Variants in ATP8A2 observed in about 807,000 individuals in gnomAD.
ATP8A2 encodes the protein phospholipid-transporting ATPase IB.
In ATP8A2, 100 loss-of-function variants were observed where a neutral mutation model predicts 165.6. The observed-to-expected ratio is 0.60, with a 90% confidence interval of 0.51 to 0.71. The LOEUF (loss-of-function observed/expected upper bound fraction) is 0.71, where lower values mean the gene tolerates loss of function less well. Ranked by LOEUF, ATP8A2 falls within the 30% of genes least tolerant of loss-of-function variation. ATP8A2 has a pLI of 0.00. For missense variants in ATP8A2, 1,227 were observed against 1,479.5 expected (o/e 0.83, Z 2.80); for synonymous variants, 543 against 548.8 (o/e 0.99, Z 0.15).
intron 27 of ATP8A2, among the ~76,000 whole-genome samples, chr13:25,803,235 T>A (rs560521713): frequency 6.6e-6 from 1 of 152,294 alleles, no homozygotes; most frequent in South Asian, 2.1e-4. Context: ...AAATGCAATA[T>A]GTATGTGGTC....
At chr13:25,538,810 G>A (rs887997798) in intron 7 of ATP8A2, among the ~76,000 whole-genome samples, 1 of 152,116 alleles carries the variant, frequency 6.6e-6, no homozygotes, top group African/African-American at 2.4e-5. Flanking sequence ...ATTGCAGACA[G>A]CGTTTCTTGT....
At chr13:25,589,587 T>C (rs749177372) in intron 23 of ATP8A2, 48 bp from the exon 24 acceptor site, 1 of 1,432,554 alleles carries the variant, frequency 7.0e-7, no homozygotes, top group Non-Finnish European at 9.8e-7. Context: ...TTTAAGGAGC[T>C]CACAGAAGGA....
intron 35 of ATP8A2, among the ~76,000 whole-genome samples, chr13:26,011,604 T>C (rs1170816886): frequency 1.3e-5 from 2 of 152,326 alleles, no homozygotes; most frequent in East Asian, 3.9e-4. Flanking sequence ...CACTTTGACC[T>C]GCCTGGGCAG....
chr13:25,866,248 T>C (rs533066341), intron 33 of ATP8A2, among the ~76,000 whole-genome samples: 1 of 152,286 alleles, frequency 6.6e-6, no homozygotes, highest in Admixed American at 6.5e-5. Flanking sequence ...GATAGTTACG[T>C]AACCATTGGC....
At chr13:25,905,785 G>A (rs1953918900) in intron 33 of ATP8A2, among the ~76,000 whole-genome samples, 1 of 152,112 alleles carries the variant, frequency 6.6e-6, no homozygotes, top group South Asian at 2.1e-4. Context: ...CACTCTCCTG[G>A]GGCCCCTTCC....
chr13:25,539,552 A>G (rs1270248310), intron 7 of ATP8A2, among the ~76,000 whole-genome samples: 1 of 152,068 alleles, frequency 6.6e-6, no homozygotes, highest in Non-Finnish European at 1.5e-5. Context: ...AATCTTCCCA[A>G]TAACCCTGGA....
At position 25,530,146 on chromosome 13, in the gene ATP8A2, A is replaced by G. The variant is rs1311501450; in HGVS notation, c.321+48A>G. On this transcript the variant is annotated intron_variant, in intron 3 of 36. Coordinates refer to ENST00000381655, the MANE Select transcript of ATP8A2 (RefSeq NM_016529.6). ...TTGGAATTCACTTAATTACATGTAA[A>G]ATGAGATTTTGCTAAAGGTTCCTTA... The G allele has an allele frequency of 2.4e-6, 3 of 1,237,440 alleles. No homozygotes were observed. In the African/African-American group the frequency reaches 4.5e-5, roughly 19 times the overall value. 76.7% of individuals were successfully genotyped at this position (1,237,440 alleles called of 1,614,324 possible).
chr13:25,528,086 T>C (rs34598113), intron 2 of ATP8A2, among the ~76,000 whole-genome samples: 36,435 of 151,962 alleles, frequency 0.24, 4,793 homozygotes, highest in African/African-American at 0.35. Context: ...TATTGTGAGC[T>C]ATCACATACA....
chr13:25,497,693 C>T (rs1344523750), intron 2 of ATP8A2, among the ~76,000 whole-genome samples: 4 of 152,170 alleles, frequency 2.6e-5, no homozygotes, highest in Admixed American at 2.0e-4. Context: ...TGGCTCATGC[C>T]TGTAATCCCA....
chr13:25,768,006 G>A (rs1175149498), intron 25 of ATP8A2, among the ~76,000 whole-genome samples: 8 of 146,402 alleles, frequency 5.5e-5, no homozygotes, highest in Admixed American at 1.4e-4. Flanking sequence ...ATATGTGGGC[G>A]TGGCCAGTAG....
At chr13:25,774,667 G>A (rs1365748434) in intron 26 of ATP8A2, among the ~76,000 whole-genome samples, 182 bp from the exon 27 acceptor site, 1 of 152,182 alleles carries the variant, frequency 6.6e-6, no homozygotes, top group Non-Finnish European at 1.5e-5. Flanking sequence ...GTTTCAAGAA[G>A]GATTTTACTT....
chr13:25,579,714 T>A (rs2039716667), intron 21 of ATP8A2, 94 bp from the exon 22 acceptor site: 1 of 1,458,030 alleles, frequency 6.9e-7, no homozygotes, highest in Non-Finnish European at 9.5e-7. Flanking sequence ...TCTCTTCAAT[T>A]TTTTTGGGCA....
rs190737441 is a variant in ATP8A2, at chr13:25,955,894, G to A, written c.3184-5681G>A. Among the ~76,000 whole-genome samples the A allele has an allele frequency of 8.1e-4, 124 of 152,228 alleles. 1 individual carries two copies. The highest frequency in any genetic ancestry group is 1.8e-3 in the Admixed American group (27 of 15,284). The stretch of plus-strand genomic sequence containing the variant: ...ATCCTCAGTAAAATACTGGCAAACC[G>A]AATCCAGCAGCGCATCAAAAAACTT... On this transcript the variant is annotated intron_variant, in intron 33 of 36. Transcript: ENST00000381655.
intron 24 of ATP8A2, among the ~76,000 whole-genome samples, chr13:25,693,578 C>T (rs2042773307): frequency 6.6e-6 from 1 of 152,126 alleles, no homozygotes; most frequent in African/African-American, 2.4e-5. Flanking sequence ...GATTGAGAAC[C>T]AGCCATTTTC....
intron 30 of ATP8A2, among the ~76,000 whole-genome samples, chr13:25,854,381 G>A (rs1952094099): frequency 6.6e-6 from 1 of 152,258 alleles, no homozygotes; most frequent in African/African-American, 2.4e-5. Flanking sequence ...TGTCACCCAG[G>A]CTGGAGTGCA....
At chr13:25,483,669 G>C (rs952437729) in intron 2 of ATP8A2, among the ~76,000 whole-genome samples, 2 of 152,206 alleles carry the variant, frequency 1.3e-5, no homozygotes, top group African/African-American at 4.8e-5. Context: ...GGGAGGCCAA[G>C]GCAGGAAGAT....
At chr13:25,846,337 T>A (rs1269560122) in intron 30 of ATP8A2, among the ~76,000 whole-genome samples, 5 of 152,126 alleles carry the variant, frequency 3.3e-5, no homozygotes, top group Non-Finnish European at 5.9e-5. Context: ...AAGTAGAAGG[T>A]CAAGTTCAGA....
intron 24 of ATP8A2, among the ~76,000 whole-genome samples, chr13:25,669,300 T>C (rs979441366): frequency 6.6e-6 from 1 of 152,256 alleles, no homozygotes; most frequent in East Asian, 1.9e-4. Context: ...GACATATGGT[T>C]ACTGACATTT....
intron 1 of ATP8A2, among the ~76,000 whole-genome samples, chr13:25,455,075 G>T (rs1369349809): frequency 1.3e-5 from 2 of 152,188 alleles, no homozygotes; most frequent in Admixed American, 1.3e-4. Context: ...AGTTTGCATG[G>T]AGTTCCGTTT....
Sources: gnomAD v4.1 joint callset for allele counts (sites outside exome capture counted in the v4.1 genomes callset) on GRCh38, gnomAD v4.1.1 for gene constraint, MANE v1.5 for transcripts, NCBI Gene and HGNC (gene_info 2026-07-23, HGNC 2026-07-21) for gene names.